The following DYNLRB2 variants were observed in gnomAD, a reference collection of about 807,000 sequenced individuals.
DYNLRB2 encodes the protein dynein light chain roadblock-type 2.
DYNLRB2 carries 14 observed loss-of-function variants against 12.6 expected under a neutral mutation model. The ratio of observed to expected loss-of-function variants is 1.11; its 90% CI spans 0.73 to 1.73. DYNLRB2 has a LOEUF of 1.73. Among genes scored for constraint, DYNLRB2 ranks in the 40% most tolerant of loss-of-function variants. The probability of loss-of-function intolerance (pLI) is 0.00; values close to 1 mark genes in which losing one functional copy is unlikely to be tolerated. For synonymous variants in DYNLRB2, 53 were observed against 37.0 expected, an observed-to-expected ratio of 1.43 and a Z score of -1.57; for missense variants, 142 against 117.7, an observed-to-expected ratio of 1.21 and a Z score of -0.95.
chr16:80,548,339 G>C (rs1476372008), intron 2 of DYNLRB2, among the ~76,000 whole-genome samples: 1 of 152,134 alleles, frequency 6.6e-6, no homozygotes, highest in Non-Finnish European at 1.5e-5. Context: ...TCCAAGTTGA[G>C]TTAGATTGAT....
rs755943372 is a variant in DYNLRB2 at position 80,541,046 on chromosome 16, G to T, written c.-31G>T. On this transcript the variant is annotated 5_prime_UTR_variant, in exon 1 of 4. Coordinates refer to ENST00000305904, the MANE Select transcript of DYNLRB2 (RefSeq NM_130897.3). Reference sequence around the variant, plus strand: ...TGACATCCCGGGAGGCTGTGCCGCCGGCCTGAGCCCAGAGTTTCGCGGCCT... The same window carrying T: ...TGACATCCCGGGAGGCTGTGCCGCCTGCCTGAGCCCAGAGTTTCGCGGCCT... The T allele has an allele frequency of 3.7e-6, 6 of 1,606,638 alleles. No individual in the cohort carries two copies. The highest frequency in any genetic ancestry group is 2.7e-5 in the African/African-American group (2 of 74,952).
In DYNLRB2 at chr16:80,548,957, A is replaced by T. The variant is rs116261075; in HGVS notation, c.80-527A>T. ...TGTGGCCTCAGGGAAGAAGACTAAC[A>T]CCATGTCACAGAGCAAGAACTTCAG... On this transcript the variant is annotated intron_variant, in intron 2 of 3. Transcript: ENST00000305904. 1,091 of 456,008 alleles carry T rather than the reference A, an allele frequency of 2.4e-3. 6 individuals carry two copies. Among genetic ancestry groups the T allele is most frequent in the African/African-American group, 0.018 (922 of 50,146 alleles). The allele number at this position is 456,008 out of a possible 1,614,324, so 28.2% of individuals were successfully genotyped here.
chr16:80,547,769 G>A (rs960791179), intron 2 of DYNLRB2: 3 of 456,396 alleles, frequency 6.6e-6, no homozygotes, highest in African/African-American at 4.0e-5. Context: ...TCCACGCTTT[G>A]TGACCTTCAA....
At chr16:80,543,974 A>G (rs909639766) in intron 2 of DYNLRB2, among the ~76,000 whole-genome samples, 1 of 152,026 alleles carries the variant, frequency 6.6e-6, no homozygotes, top group Middle Eastern at 3.2e-3. Context: ...TATGGTGGCA[A>G]CCTCTTAAGA....
At chr16:80,549,889 G>A (rs11866588) in intron 3 of DYNLRB2, among the ~76,000 whole-genome samples, 34,298 of 152,064 alleles carry the variant, frequency 0.23, 4,044 homozygotes, top group Middle Eastern at 0.3. Flanking sequence ...TTTATTATCA[G>A]TAATGAAAAA....
At chr16:80,548,124 C>A in intron 2 of DYNLRB2, 1 of 173,284 alleles carries the variant, frequency 5.8e-6, no homozygotes, top group Non-Finnish European at 1.2e-5. Context: ...TTCTTGAGTG[C>A]CCTTAATACG....
rs1567519769 is a variant in DYNLRB2 at position 80,550,537 on chromosome 16, C to A, written c.270C>A (p.Val90=). Residue 90 remains valine, a synonymous_variant, in exon 4 of 4, where the codon GTC becomes GTA. Coordinates refer to ENST00000305904, the MANE Select transcript of DYNLRB2 (RefSeq NM_130897.3). ...TAGATAAGGAATATCTTCTGATCGTCATTCAGAATCCATGTGAATAGACCT... is the reference window on the plus strand; with the variant it reads ...TAGATAAGGAATATCTTCTGATCGTAATTCAGAATCCATGTGAATAGACCT... The part of the protein sequence containing the change: ...VAPDKEYLLI[V]IQNPCE 3 of 1,614,074 alleles carry A rather than the reference C, an allele frequency of 1.9e-6. No homozygotes were observed.
chr16:80,545,085 C>T (rs1904366317), intron 2 of DYNLRB2, among the ~76,000 whole-genome samples: 1 of 152,086 alleles, frequency 6.6e-6, no homozygotes, highest in Non-Finnish European at 1.5e-5. Flanking sequence ...GGTGCATTCA[C>T]CTGTGACAGC....
Position 80,550,460 on chromosome 16 carries a change from A to C in DYNLRB2, c.248-55A>C, listed in dbSNP as rs1904773011. The C allele has an allele frequency of 5.0e-6, 8 of 1,602,310 alleles. No homozygotes were observed. In the Admixed American group the frequency reaches 1.3e-4, roughly 27 times the overall value. Reference sequence around the variant, plus strand: ...AAGAAAAAAGAAGACTAGTTGAAATATTCCTTGATTAAATTTAAATTAAGG... The same window carrying C: ...AAGAAAAAAGAAGACTAGTTGAAATCTTCCTTGATTAAATTTAAATTAAGG... On this transcript the variant is annotated intron_variant, in intron 3 of 3. Coordinates refer to ENST00000305904, the MANE Select transcript of DYNLRB2 (RefSeq NM_130897.3).
At chr16:80,540,991 T>C, upstream of DYNLRB2, 1 of 1,586,590 alleles carries the variant, frequency 6.3e-7, no homozygotes, top group Non-Finnish European at 8.6e-7. Context: ...ACTTCCTTTT[T>C]TGTCTCCTAG....
intron 2 of DYNLRB2, among the ~76,000 whole-genome samples, chr16:80,546,002 T>G (rs1375279681): frequency 5.3e-5 from 8 of 152,152 alleles, no homozygotes; most frequent in Non-Finnish European, 1.5e-5. Flanking sequence ...TAACCTCTAA[T>G]AGGATAAGTT....
Position 80,550,494 on chromosome 16 carries a change from A to T in DYNLRB2, c.248-21A>T, listed in dbSNP as rs1904775212. ...TTAAATTTAAATTAAGGGTGAATTG[A>T]TTTTATCCATCTCTCCATAGATAAG... On this transcript the variant is annotated intron_variant, in intron 3 of 3. Coordinates refer to ENST00000305904, the MANE Select transcript of DYNLRB2 (RefSeq NM_130897.3). 10 of 1,613,840 alleles carry T rather than the reference A, an allele frequency of 6.2e-6. No individual in the cohort carries two copies. In the East Asian group the frequency reaches 2.2e-4, roughly 36 times the overall value.
At chr16:80,541,324 T>C (rs12920691) in intron 1 of DYNLRB2, 820,700 of 980,838 alleles carry the variant, frequency 0.84, 350,025 homozygotes, top group Non-Finnish European at 0.87. Context: ...GGAGGGGTGA[T>C]GTTGAGAAAG....
At chr16:80,543,378 G>T (rs756301749) in intron 2 of DYNLRB2, 27 bp downstream of exon 2, 31 of 1,611,878 alleles carry the variant, frequency 1.9e-5, no homozygotes, top group Non-Finnish European at 2.5e-5. Context: ...CTGTCTTCTT[G>T]ACACACAGAA....
intron 2 of DYNLRB2, among the ~76,000 whole-genome samples, chr16:80,544,359 C>T (rs189955037): frequency 6.6e-6 from 1 of 152,296 alleles, no homozygotes; most frequent in Admixed American, 6.5e-5. Flanking sequence ...ACAGTTAAAA[C>T]ATTTGTTTTA....
Position 80,549,597 on chromosome 16 carries a change from G to C in DYNLRB2, c.193G>C (p.Asp65His), listed in dbSNP as rs923515497. ...STVRDIDPQNDLTFLRIRSKK... is the reference protein window; with the variant it reads ...STVRDIDPQNHLTFLRIRSKK... ...AGTTCGTGATATTGATCCTCAGAACGACCTGACTTTTCTTAGGATCAGATC... is the reference window on the plus strand; with the variant it reads ...AGTTCGTGATATTGATCCTCAGAACCACCTGACTTTTCTTAGGATCAGATC... Residue 65 changes from aspartate (D) to histidine (H), a missense_variant, in exon 3 of 4, where the codon GAC (aspartate) becomes CAC (histidine). By Grantham distance (81) the Asp-to-His change is moderately conservative. Transcript: ENST00000305904. 1 of 1,612,428 alleles carries C rather than the reference G, an allele frequency of 6.2e-7. No homozygotes were observed. Among genetic ancestry groups the C allele is most frequent in the South Asian group, 1.1e-5 (1 of 90,852 alleles).
rs770373346 is a variant in DYNLRB2, at chr16:80,541,074, G to C, written c.-3G>C. The C allele has an allele frequency of 6.2e-7, 1 of 1,608,196 alleles. No homozygotes were observed. Among genetic ancestry groups the C allele is most frequent in the South Asian group, 1.1e-5 (1 of 90,282 alleles). ...CTGAGCCCAGAGTTTCGCGGCCTCC[G>C]CGATGGTAAATCTGGGGTCTCCGTC... On this transcript the variant is annotated 5_prime_UTR_variant, in exon 1 of 4. Coordinates refer to ENST00000305904, the MANE Select transcript of DYNLRB2 (RefSeq NM_130897.3).
At chr16:80,544,214 G>C (rs1418582823) in intron 2 of DYNLRB2, among the ~76,000 whole-genome samples, 1 of 152,172 alleles carries the variant, frequency 6.6e-6, no homozygotes, top group Non-Finnish European at 1.5e-5. Context: ...TTACCACTAA[G>C]AATGGACAAT....
At chr16:80,545,453 A>C (rs1273843896) in intron 2 of DYNLRB2, among the ~76,000 whole-genome samples, 2 of 152,088 alleles carry the variant, frequency 1.3e-5, no homozygotes, top group African/African-American at 4.8e-5. Context: ...AAAGCAGAGA[A>C]CAAAGCGGTC....
Sources: gnomAD v4.1 joint callset for allele counts (sites outside exome capture counted in the v4.1 genomes callset) on GRCh38, gnomAD v4.1.1 for gene constraint, MANE v1.5 for transcripts, NCBI Gene and HGNC (gene_info 2026-07-23, HGNC 2026-07-21) for gene names.